Variants in RXRA observed in about 807,000 individuals in gnomAD.
RXRA encodes retinoic acid receptor RXR-alpha.
A neutral mutation model predicts 44.5 loss-of-function variants in RXRA; 5 were observed. The ratio of observed to expected loss-of-function variants is 0.11; its 90% confidence interval spans 0.06 to 0.24. The LOEUF (loss-of-function observed/expected upper bound fraction) is 0.24, where lower values mean the gene tolerates loss of function less well. Among genes scored for constraint, RXRA ranks in the 10% least tolerant of loss-of-function variants. RXRA has a pLI of 1.00. For missense variants in RXRA, 412 were observed against 646.5 expected (o/e 0.64, Z 3.93); for synonymous variants, 291 against 271.4 (o/e 1.07, Z -0.71).
chr9:134,351,002 C>T (rs1383573544), intron 1 of RXRA, among the ~76,000 whole-genome samples: 1 of 152,244 alleles, frequency 6.6e-6, no homozygotes, highest in Non-Finnish European at 1.5e-5. Flanking sequence ...CCCTCACCTG[C>T]CTAAGTGTCC....
chr9:134,422,623 G>A (rs1266412899), intron 6 of RXRA: 16 of 914,874 alleles, frequency 1.7e-5, no homozygotes, highest in African/African-American at 3.9e-5. Flanking sequence ...CCCCACTCCC[G>A]GGACACTCCC....
Position 134,366,874 on chromosome 9 carries a change from G to T in RXRA, c.29-34758G>T, listed in dbSNP as rs760939255. Among the ~76,000 whole-genome samples, 61 of 152,176 alleles carry T rather than the reference G, an allele frequency of 4.0e-4. No homozygotes were observed. Among genetic ancestry groups the T allele is most frequent in the Non-Finnish European group, 6.9e-4 (47 of 68,024 alleles). On this transcript the variant is annotated intron_variant, in intron 1 of 9. Coordinates refer to ENST00000481739, the MANE Select transcript of RXRA (RefSeq NM_002957.6). The surrounding 1 kb of genome is among the most constrained non-coding windows in gnomAD (Gnocchi z 5.9). Reference sequence around the variant, plus strand: ...GGGGACACATCCCAGTCGGAACGTGGTGGAAAGGCGCCAGGCAGGCTGAGT... The same window carrying T: ...GGGGACACATCCCAGTCGGAACGTGTTGGAAAGGCGCCAGGCAGGCTGAGT...
At position 134,438,653 on chromosome 9, in the gene RXRA, G is replaced by A. The variant is rs1175521768; in HGVS notation, c.*2039G>A. The A allele has an allele frequency of 6.5e-6, 1 of 152,816 alleles. No individual in the cohort carries two copies. Among genetic ancestry groups the A allele is most frequent in the African/African-American group, 2.4e-5 (1 of 41,480 alleles). 9.5% of individuals were successfully genotyped at this position (152,816 alleles called of 1,614,324 possible). A position where few individuals can be genotyped will look rare whatever the true frequency, so the allele number is the denominator to read the frequency against. On this transcript the variant is annotated 3_prime_UTR_variant, in exon 10 of 10. Transcript: ENST00000481739. Reference sequence around the variant, plus strand: ...GTGGTGGAAATGGCAGGAGGGTGCAGGTACTCTTGGGGCCCCAGCGGTGGG... The same window carrying A: ...GTGGTGGAAATGGCAGGAGGGTGCAAGTACTCTTGGGGCCCCAGCGGTGGG...
At chr9:134,336,777 C>T (rs773779206) in intron 1 of RXRA, among the ~76,000 whole-genome samples, 26 of 152,248 alleles carry the variant, frequency 1.7e-4, no homozygotes, top group Non-Finnish European at 2.8e-4. Flanking sequence ...TGATCCCCTC[C>T]GCCCCTCAGG....
intron 6 of RXRA, chr9:134,425,486 G>C: frequency 1.0e-6 from 1 of 981,506 alleles, no homozygotes; most frequent in Non-Finnish European, 1.2e-6. Context: ...CGTGTTAGCT[G>C]CTCCAGCGGG....
chr9:134,338,400 C>G (rs1258279060), intron 1 of RXRA, among the ~76,000 whole-genome samples: 1 of 152,252 alleles, frequency 6.6e-6, no homozygotes, highest in Admixed American at 6.5e-5. Flanking sequence ...CAGGCCACTT[C>G]TGGTCCCAGA....
In RXRA at chr9:134,369,617, C is replaced by T. The variant is rs116624495; in HGVS notation, c.29-32015C>T. On this transcript the variant is annotated intron_variant, in intron 1 of 9. Transcript: ENST00000481739. ...TCCCTGTGAGCTCTCCACACCCCCA[C>T]CTTTGTGTCCCCTCCAGCCCCACCC... Among the ~76,000 whole-genome samples the T allele has an allele frequency of 4.8e-3, 728 of 152,058 alleles. 5 individuals carry two copies. The highest frequency in any genetic ancestry group is 0.016 in the African/African-American group (671 of 41,432).
chr9:134,408,881 G>A, intron 3 of RXRA, 59 bp from the exon 4 acceptor site: 2 of 1,425,688 alleles, frequency 1.4e-6, no homozygotes, highest in South Asian at 1.5e-5. Context: ...TTGGATGGGG[G>A]GTGGGCTCCC....
chr9:134,336,393 A>G (rs949959061), intron 1 of RXRA, among the ~76,000 whole-genome samples: 31 of 152,278 alleles, frequency 2.0e-4, no homozygotes, highest in African/African-American at 6.5e-4. Context: ...GGCCTGGGCA[A>G]TGGCATGCTC....
At chr9:134,328,085 T>A (rs1834944691) in intron 1 of RXRA, among the ~76,000 whole-genome samples, 2 of 152,198 alleles carry the variant, frequency 1.3e-5, no homozygotes, top group Non-Finnish European at 2.9e-5. Context: ...AATGCTGCGC[T>A]GTCTGTGACC....
chr9:134,337,597 G>C lies in RXRA; in HGVS notation c.28+10938G>C, dbSNP rs541368865. On this transcript the variant is annotated intron_variant, in intron 1 of 9. Coordinates refer to ENST00000481739, the MANE Select transcript of RXRA (RefSeq NM_002957.6). ...GGGAGGAGGTACTGGAGACAGAAGG[G>C]ACACGGAGGAGGCATTAGCGGCTCA... Among the ~76,000 whole-genome samples, 6 of 152,310 alleles carry C rather than the reference G, an allele frequency of 3.9e-5. No homozygotes were observed. The East Asian group carries it at 9.7e-4, about 25-fold the overall frequency.
chr9:134,434,447 A>G (rs895864421), intron 9 of RXRA, among the ~76,000 whole-genome samples: 1 of 152,122 alleles, frequency 6.6e-6, no homozygotes, highest in Admixed American at 6.5e-5. Flanking sequence ...GGCGCATAGT[A>G]GGTGCTTCTC....
rs1025445258 is a variant in RXRA, at chr9:134,429,206, G to A, written c.1009G>A (p.Ala337Thr). The change falls in exon 7 of 10, where the codon GCC (alanine) becomes ACC (threonine). Residue 337 changes from alanine to threonine, a missense_variant. Ala to Thr is a moderately conservative substitution (Grantham distance 58). Coordinates refer to ENST00000481739, the MANE Select transcript of RXRA (RefSeq NM_002957.6). ...CGGGCTGCACGTCCACCGGAACAGC[G>A]CCCACAGCGCAGGGGTGGGCGCCAT... ...ATGLHVHRNSAHSAGVGAIFD... is the reference protein window; with the variant it reads ...ATGLHVHRNSTHSAGVGAIFD... The A allele has an allele frequency of 6.2e-7, 1 of 1,612,838 alleles. No homozygotes were observed. Among genetic ancestry groups the A allele is most frequent in the African/African-American group, 1.3e-5 (1 of 75,064 alleles).
intron 2 of RXRA, 169 bp downstream of exon 2, chr9:134,402,051 G>A: frequency 1.6e-6 from 1 of 628,418 alleles, no homozygotes; most frequent in East Asian, 2.8e-5. Flanking sequence ...GTGGGGGTTT[G>A]AGCCCAGGTG....
chr9:134,326,754 GTCGCCGGCCCGGGCCCCGCTCGGACCCC>G, intron 1 of RXRA, 95 bp downstream of exon 1: 1 of 232,660 alleles, frequency 4.3e-6, no homozygotes, highest in Non-Finnish European at 6.8e-6. Context: ...CGCGCGGGGG[GTCGCCGGCCCGGGCCCCGCTCGGACCCC>G]TCGCCGACCT....
Position 134,431,920 on chromosome 9 carries a change from T to A in RXRA, c.1059T>A (p.Leu353=). ...GAIFDRVLTE[L]VSKMRDMQMD... Reference sequence around the variant, plus strand: ...TCCTCTGCAGGGTGCTGACGGAGCTTGTGTCCAAGATGCGGGACATGCAGA... The same window carrying A: ...TCCTCTGCAGGGTGCTGACGGAGCTAGTGTCCAAGATGCGGGACATGCAGA... Residue 353 remains leucine (L), a synonymous_variant, in exon 8 of 10, where the codon CTT becomes CTA. Coordinates refer to ENST00000481739, the MANE Select transcript of RXRA (RefSeq NM_002957.6). The A allele has an allele frequency of 6.2e-7, 1 of 1,613,676 alleles. No individual in the cohort carries two copies. The highest frequency in any genetic ancestry group is 2.2e-5 in the East Asian group (1 of 44,866).
chr9:134,433,992 C>T lies in RXRA; in HGVS notation c.1136-110C>T, dbSNP rs2119212648. ...CAGCGGCATTCCTCCACCACCTGCTCTGCCCATGGTGGGGCAGCCTGGGAG... is the reference window on the plus strand; with the variant it reads ...CAGCGGCATTCCTCCACCACCTGCTTTGCCCATGGTGGGGCAGCCTGGGAG... On this transcript the variant is annotated intron_variant, in intron 8 of 9. Transcript: ENST00000481739. The surrounding 1 kb of genome is among the most constrained non-coding windows in gnomAD (Gnocchi z 4.2). The T allele has an allele frequency of 1.4e-6, 1 of 731,568 alleles. No individual in the cohort carries two copies. Among genetic ancestry groups the T allele is most frequent in the East Asian group, 2.7e-5 (1 of 37,708 alleles). The allele number at this position is 731,568 out of a possible 1,614,324, so 45.3% of individuals were successfully genotyped here. A position where few individuals can be genotyped will look rare whatever the true frequency, so the allele number is the denominator to read the frequency against.
intron 1 of RXRA, among the ~76,000 whole-genome samples, chr9:134,391,057 A>G (rs1033345410): frequency 5.9e-5 from 9 of 151,964 alleles, no homozygotes; most frequent in African/African-American, 2.2e-4. Context: ...TGCCCTGCCT[A>G]TTCTAAGCAC....
At chr9:134,423,245 C>T (rs1428517396) in intron 6 of RXRA, 2 of 985,320 alleles carry the variant, frequency 2.0e-6, no homozygotes, top group African/African-American at 1.7e-5. Context: ...CCAGGTCTGC[C>T]CTCACTGCCC....
Sources: allele counts gnomAD v4.1 joint callset (sites outside exome capture counted in the v4.1 genomes callset), GRCh38; gene constraint gnomAD v4.1.1; non-coding constraint Gnocchi (gnomAD v3.1); transcripts MANE v1.5; gene names NCBI Gene and HGNC (gene_info 2026-07-23, HGNC 2026-07-21).